The following BCKDHB variants were observed in gnomAD, a reference collection of about 807,000 sequenced individuals.
BCKDHB encodes branched chain keto acid dehydrogenase E1 subunit beta.
Under a neutral mutation model 48.5 loss-of-function variants are expected in BCKDHB, and 41 were observed. That is an observed-to-expected ratio of 0.85 (90% CI 0.66 to 1.10). The LOEUF (loss-of-function observed/expected upper bound fraction) is 1.10, where lower values mean the gene tolerates loss of function less well. BCKDHB is among the 50% of genes least tolerant of loss of function. The pLI, the probability that BCKDHB is intolerant of heterozygous loss-of-function variation, is 0.00. For missense variants in BCKDHB, 496 were observed against 494.2 expected, an observed-to-expected ratio of 1.00 and a Z score of -0.03; for synonymous variants, 201 against 174.8, an observed-to-expected ratio of 1.15 and a Z score of -1.18.
At chr6:80,306,927 T>C (rs746083645) in intron 9 of BCKDHB, among the ~76,000 whole-genome samples, 1 of 152,166 alleles carries the variant, frequency 6.6e-6, no homozygotes. Flanking sequence ...AACAATACAG[T>C]CCTAGATGGT....
At chr6:80,422,603 T>C in the BCKDHB span, among the ~76,000 whole-genome samples, 6 of 152,226 alleles carry the variant, frequency 3.9e-5, no homozygotes, top group Admixed American at 3.3e-4. Flanking sequence ...GTAGTGCAGC[T>C]GCCCAAGGCC....
intron 3 of BCKDHB, among the ~76,000 whole-genome samples, chr6:80,158,026 G>A (rs116596911): frequency 6.6e-6 from 1 of 152,220 alleles, no homozygotes; most frequent in African/African-American, 2.4e-5. Flanking sequence ...CGATATTACT[G>A]AAAGACTGGT....
At chr6:80,217,253 AG>A (rs1442114373) in intron 8 of BCKDHB, among the ~76,000 whole-genome samples, 3 of 152,228 alleles carry the variant, frequency 2.0e-5, no homozygotes, top group Middle Eastern at 3.4e-3. Context: ...AAAAGAAAAA[AG>A]AAAAAAACAA....
At chr6:80,147,844 G>T (rs1288187950) in intron 3 of BCKDHB, among the ~76,000 whole-genome samples, 1 of 152,132 alleles carries the variant, frequency 6.6e-6, no homozygotes, top group East Asian at 1.9e-4. Flanking sequence ...AATTGTGGTA[G>T]TGGAGGGAAG....
intron 1 of BCKDHB, among the ~76,000 whole-genome samples, chr6:80,112,184 C>T (rs185625280): frequency 6.6e-6 from 1 of 152,264 alleles, no homozygotes; most frequent in African/African-American, 2.4e-5. Context: ...TATACACAAA[C>T]ACAAATGAAG....
At chr6:80,309,578 G>GT (rs1352477805) in intron 9 of BCKDHB, among the ~76,000 whole-genome samples, 1 of 151,416 alleles carries the variant, frequency 6.6e-6, no homozygotes, top group Non-Finnish European at 1.5e-5. Flanking sequence ...TTGGCCTGTG[G>GT]TTTTTTTTGT....
At chr6:80,249,420 A>G (rs1776746429) in intron 8 of BCKDHB, among the ~76,000 whole-genome samples, 1 of 152,064 alleles carries the variant, frequency 6.6e-6, no homozygotes, top group African/African-American at 2.4e-5. Context: ...TAATTTTACC[A>G]TTAAAAAAAA....
intron 8 of BCKDHB, among the ~76,000 whole-genome samples, chr6:80,262,941 G>T (rs1048097978): frequency 5.3e-5 from 8 of 152,152 alleles, no homozygotes; most frequent in Non-Finnish European, 1.2e-4. Context: ...GCAGAATAAA[G>T]AATTGTAAAT....
chr6:80,258,288 A>G (rs1777144109), intron 8 of BCKDHB, among the ~76,000 whole-genome samples: 1 of 152,146 alleles, frequency 6.6e-6, no homozygotes, highest in South Asian at 2.1e-4. Context: ...TCAGCTTTTC[A>G]TGGTTCAGGT....
At chr6:80,224,214 T>C (rs1424699669) in intron 8 of BCKDHB, among the ~76,000 whole-genome samples, 1 of 152,172 alleles carries the variant, frequency 6.6e-6, no homozygotes. Flanking sequence ...GGGACTCTAA[T>C]GCTCCTTCCT....
chr6:80,201,066 G>A (rs751979203), intron 7 of BCKDHB, 35 bp downstream of exon 7: 31 of 1,502,952 alleles, frequency 2.1e-5, no homozygotes, highest in Middle Eastern at 1.7e-4. Context: ...TAAAACCTAC[G>A]TTGTGCTTGG....
intron 8 of BCKDHB, among the ~76,000 whole-genome samples, chr6:80,230,340 G>T (rs1775873711): frequency 1.3e-5 from 2 of 151,890 alleles, no homozygotes; most frequent in East Asian, 1.9e-4. Context: ...GCCTGGCCAG[G>T]TTTTTTTAAA....
chr6:80,336,058 A>G (rs1164289522), intron 9 of BCKDHB, among the ~76,000 whole-genome samples: 1 of 151,996 alleles, frequency 6.6e-6, no homozygotes, highest in Non-Finnish European at 1.5e-5. Context: ...CTTATTTCTG[A>G]TTTTAAAATA....
At chr6:80,314,919 A>G (rs1428389324) in intron 9 of BCKDHB, among the ~76,000 whole-genome samples, 1 of 152,164 alleles carries the variant, frequency 6.6e-6, no homozygotes, top group East Asian at 1.9e-4. Flanking sequence ...CTCGCTGCTC[A>G]TCCAGACCGT....
At chr6:80,450,073 G>T in the BCKDHB span, among the ~76,000 whole-genome samples, 10 of 152,134 alleles carry the variant, frequency 6.6e-5, no homozygotes, top group Middle Eastern at 3.4e-3. Context: ...GGTTAACAGG[G>T]TTCTGAGTGG....
At chr6:80,323,093 T>C (rs1020217379) in intron 9 of BCKDHB, among the ~76,000 whole-genome samples, 1 of 152,130 alleles carries the variant, frequency 6.6e-6, no homozygotes, top group African/African-American at 2.4e-5. Context: ...CACTTACCTT[T>C]CTGAACCTCA....
chr6:80,224,226 C>T (rs1775583563), intron 8 of BCKDHB, among the ~76,000 whole-genome samples: 1 of 152,054 alleles, frequency 6.6e-6, no homozygotes, highest in East Asian at 1.9e-4. Flanking sequence ...CTCCTTCCTT[C>T]CCAATGGCCC....
the BCKDHB span, among the ~76,000 whole-genome samples, chr6:80,418,635 T>C: frequency 2.0e-5 from 3 of 152,200 alleles, no homozygotes; most frequent in African/African-American, 7.2e-5. Context: ...CTTTTCTGGC[T>C]CCTTGAGGTT....
intron 8 of BCKDHB, among the ~76,000 whole-genome samples, chr6:80,212,019 C>T (rs1017348402): frequency 6.6e-6 from 1 of 152,068 alleles, no homozygotes; most frequent in Non-Finnish European, 1.5e-5. Context: ...TCTGAGGGAA[C>T]AGGACAAAGG....
Sources: gnomAD v4.1 joint callset for allele counts (sites outside exome capture counted in the v4.1 genomes callset) on GRCh38, gnomAD v4.1.1 for gene constraint, MANE v1.5 for transcripts, NCBI Gene and HGNC (gene_info 2026-07-23, HGNC 2026-07-21) for gene names.